The following PTPN13 variants were observed in gnomAD, a reference collection of about 807,000 sequenced individuals.
The protein encoded by PTPN13 is protein tyrosine phosphatase non-receptor type 13, also known as tyrosine-protein phosphatase non-receptor type 13.
PTPN13 carries 191 observed loss-of-function variants against 284.0 expected under a neutral mutation model. The observed-to-expected ratio is 0.67, with a 90% confidence interval of 0.60 to 0.76. The LOEUF is 0.76. Among genes scored for constraint, PTPN13 ranks in the 30% least tolerant of loss-of-function variants. The pLI, the probability that PTPN13 is intolerant of heterozygous loss-of-function variation, is 0.00. For synonymous variants in PTPN13, 986 were observed against 1,022.3 expected, an observed-to-expected ratio of 0.96 and a Z score of 0.68; for missense variants, 2,797 against 2,939.9, an observed-to-expected ratio of 0.95 and a Z score of 1.12.
intron 10 of PTPN13, 36 bp downstream of exon 10, chr4:86,722,470 TG>T (rs769566863): frequency 1.3e-6 from 2 of 1,553,276 alleles, no homozygotes; most frequent in South Asian, 2.2e-5. Context: ...CATCTAAACC[TG>T]CTCTCACAGG....
At chr4:86,758,384 T>C in intron 21 of PTPN13, 35 bp downstream of exon 21, 1 of 1,507,696 alleles carries the variant, frequency 6.6e-7, no homozygotes, top group Non-Finnish European at 9.2e-7. Flanking sequence ...GGTCTATGAT[T>C]GTTGGGGATT....
In PTPN13 at chr4:86,814,528, C is replaced by A. The variant is rs766137491; in HGVS notation, c.7435C>A (p.Gln2479Lys). 6.2e-7 allele frequency: 1 copy of A among 1,611,834 alleles called. No homozygotes were observed. The highest frequency in any genetic ancestry group is 1.7e-5 in the Admixed American group (1 of 59,920). Residue 2479 changes from glutamine to lysine, a missense_variant, in exon 48 of 48, where the codon CAG becomes AAG. Transcript: ENST00000411767. Reference sequence around the variant, plus strand: ...TCTTCAAGCAGAAGAAGAGCAAAAACAGCAGCCTCAGCTTCTGAAGTGACA... The same window carrying A: ...TCTTCAAGCAGAAGAAGAGCAAAAAAAGCAGCCTCAGCTTCTGAAGTGACA... ...TRLQAEEEQK[Q>K]QPQLLK is the part of the protein sequence containing the mutation.
intron 45 of PTPN13, among the ~76,000 whole-genome samples, chr4:86,809,496 G>C (rs540801808): frequency 6.6e-6 from 1 of 152,214 alleles, no homozygotes; most frequent in African/African-American, 2.4e-5. Flanking sequence ...TCAGGAGTTC[G>C]AGAGCAGCCT....
At chr4:86,734,265 T>C (rs1735255491) in intron 12 of PTPN13, 38 bp from the exon 13 acceptor site, 2 of 1,380,026 alleles carry the variant, frequency 1.4e-6, no homozygotes. Flanking sequence ...CTAAAGTATT[T>C]TTTTATTTTA....
chr4:86,636,960 G>A (rs1290466063), intron 2 of PTPN13, among the ~76,000 whole-genome samples: 1 of 150,902 alleles, frequency 6.6e-6, no homozygotes, highest in Non-Finnish European at 1.5e-5. Flanking sequence ...AAAGAGAGAA[G>A]AATCAAATAG....
intron 25 of PTPN13, 94 bp downstream of exon 25, chr4:86,764,818 A>G: frequency 7.2e-7 from 1 of 1,390,542 alleles, no homozygotes; most frequent in Non-Finnish European, 9.6e-7. Flanking sequence ...TTTGCATCAA[A>G]AGGGACACAT....
At chr4:86,603,869 T>A (rs1245188477) in intron 1 of PTPN13, among the ~76,000 whole-genome samples, 1 of 152,100 alleles carries the variant, frequency 6.6e-6, no homozygotes, top group African/African-American at 2.4e-5. Flanking sequence ...GGAGACTAGT[T>A]CATGGCCATT....
rs2043463229 is a variant in PTPN13, at chr4:86,764,706, C to T, written c.4131C>T (p.Ser1377=). 1.2e-6 allele frequency: 2 copies of T among 1,605,494 alleles called. No individual in the cohort carries two copies. Among genetic ancestry groups the T allele is most frequent in the Non-Finnish European group, 1.7e-6 (2 of 1,177,940 alleles). Residue 1377 remains serine (S), a synonymous_variant, in exon 25 of 48, where the codon AGC becomes AGT. Transcript: ENST00000411767. ...TTGAACTGGCTAAAAATGATAACAG[C>T]TTGGGGATAAGTGTCACGGTACTGT... The part of the protein sequence containing the change: ...FEVELAKNDN[S]LGISVTGGVN...
Position 86,770,119 on chromosome 4 carries a change from A to C in PTPN13, c.4723A>C (p.Arg1575=). 6.2e-7 allele frequency: 1 copy of C among 1,613,678 alleles called. No homozygotes were observed. The highest frequency in any genetic ancestry group is 1.1e-5 in the South Asian group (1 of 90,988). The stretch of plus-strand genomic sequence containing the variant: ...CCCCCAGGAAGTCATATCTGCTCTC[A>C]GGGGAACTGCTCCAGAAGTATTCTT... ...LSQQEVISAL[R]GTAPEVFLLL... The change falls in exon 30 of 48, where the codon AGG becomes CGG. Residue 1575 remains arginine (R), a synonymous_variant. Coordinates refer to ENST00000411767, the MANE Select transcript of PTPN13 (RefSeq NM_080683.3).
intron 3 of PTPN13, among the ~76,000 whole-genome samples, chr4:86,674,586 T>C (rs1465489616): frequency 1.3e-5 from 2 of 152,210 alleles, no homozygotes; most frequent in Non-Finnish European, 2.9e-5. Context: ...TAAGATTATC[T>C]ACCTTTGATA....
At chr4:86,618,689 A>G (rs1439955249) in intron 1 of PTPN13, among the ~76,000 whole-genome samples, 4 of 152,160 alleles carry the variant, frequency 2.6e-5, no homozygotes, top group African/African-American at 7.2e-5. Flanking sequence ...CTTTGAAGCA[A>G]TTTTGAATGG....
chr4:86,750,788 A>C lies in PTPN13; in HGVS notation c.2969A>C (p.Glu990Ala). 1 of 1,613,696 alleles carries C rather than the reference A, an allele frequency of 6.2e-7. No homozygotes were observed. Among genetic ancestry groups the C allele is most frequent in the East Asian group, 2.2e-5 (1 of 44,836 alleles). The change falls in exon 18 of 48, where the codon GAA becomes GCA. Residue 990 changes from glutamate to alanine, a missense_variant. Glu to Ala is a moderately radical substitution (Grantham distance 107). Transcript: ENST00000411767. ...CGGAAAAATGTCATTGTTAACATGG[A>C]ACCCCCACCACAAACCGTTGCAGAG... is the stretch of plus-strand genomic sequence containing the variant. ...PHRKNVIVNMEPPPQTVAELV... is the reference protein window; with the variant it reads ...PHRKNVIVNMAPPPQTVAELV...
intron 40 of PTPN13, among the ~76,000 whole-genome samples, chr4:86,786,455 A>G (rs1741930201): frequency 6.6e-6 from 1 of 152,200 alleles, no homozygotes; most frequent in Non-Finnish European, 1.5e-5. Flanking sequence ...ACTTACACAC[A>G]ATCTCATCCA....
In PTPN13 at chr4:86,729,716, T is replaced by C. The variant is rs1734724759; in HGVS notation, c.1609-2684T>C. Among the ~76,000 whole-genome samples, 4 of 149,716 alleles carry C rather than the reference T, an allele frequency of 2.7e-5. No individual in the cohort carries two copies. In the South Asian group the frequency reaches 6.3e-4, roughly 24 times the overall value. On this transcript the variant is annotated intron_variant, in intron 10 of 47. Coordinates refer to ENST00000411767, the MANE Select transcript of PTPN13 (RefSeq NM_080683.3). ...AGGTCATTTAAGGTCTTCTCTACACTGTTTATTCTAGTTAGCCATTCCTCT... is the reference window on the plus strand; with the variant it reads ...AGGTCATTTAAGGTCTTCTCTACACCGTTTATTCTAGTTAGCCATTCCTCT...
intron 2 of PTPN13, among the ~76,000 whole-genome samples, chr4:86,660,252 A>G (rs1245184054): frequency 6.6e-6 from 1 of 152,194 alleles, no homozygotes; most frequent in Non-Finnish European, 1.5e-5. Flanking sequence ...GCATAGTTCA[A>G]ATATCCTTAA....
intron 1 of PTPN13, among the ~76,000 whole-genome samples, chr4:86,621,495 T>A (rs2148664470): frequency 6.6e-6 from 1 of 152,328 alleles, no homozygotes; most frequent in East Asian, 1.9e-4. Flanking sequence ...TGTTTTTTTT[T>A]AACTCATTTG....
intron 27 of PTPN13, among the ~76,000 whole-genome samples, chr4:86,767,362 C>T (rs1286668529): frequency 2.0e-5 from 3 of 151,904 alleles, no homozygotes; most frequent in Admixed American, 6.6e-5. Context: ...TCTCCTGCCT[C>T]GGCCTGTCAA....
intron 36 of PTPN13, 60 bp from the exon 37 acceptor site, chr4:86,782,141 T>G: frequency 1.7e-6 from 2 of 1,155,192 alleles, no homozygotes; most frequent in Non-Finnish European, 2.6e-6. Context: ...TTAATTATTT[T>G]GATGTCCCTC....
intron 15 of PTPN13, 35 bp downstream of exon 15, chr4:86,735,781 A>C (rs767956480): frequency 1.3e-6 from 2 of 1,577,004 alleles, no homozygotes; most frequent in Non-Finnish European, 1.7e-6. Flanking sequence ...TAAGCTTTGT[A>C]TCTTTTCCAA....
Sources: gnomAD v4.1 joint callset for allele counts (sites outside exome capture counted in the v4.1 genomes callset) on GRCh38, gnomAD v4.1.1 for gene constraint, MANE v1.5 for transcripts, NCBI Gene and HGNC (gene_info 2026-07-23, HGNC 2026-07-21) for gene names.